MBNL1: variants seen among roughly 807,000 people sequenced by gnomAD.
MBNL1 encodes muscleblind-like protein 1.
In MBNL1, 8 loss-of-function variants were observed where a neutral mutation model predicts 42.2. That is an observed-to-expected ratio of 0.19 (90% CI 0.11 to 0.34). The LOEUF (loss-of-function observed/expected upper bound fraction) is 0.34. Ranked by LOEUF, MBNL1 falls within the 10% of genes least tolerant of loss-of-function variation. MBNL1 has a pLI of 1.00. For missense variants in MBNL1, 309 were observed against 495.3 expected (o/e 0.62, Z 3.57); for synonymous variants, 169 against 173.9 (o/e 0.97, Z 0.22).
chr3:152,342,273 A>C (rs182486880), intron 2 of MBNL1, among the ~76,000 whole-genome samples: 45 of 151,910 alleles, frequency 3.0e-4, no homozygotes, highest in Non-Finnish European at 6.2e-4. Flanking sequence ...TTCCAACTCA[A>C]TTTTGGGTTG....
chr3:152,265,614 A>T (rs1350184873), upstream of MBNL1: 1 of 152,206 alleles, frequency 6.6e-6, no homozygotes, highest in Non-Finnish European at 1.5e-5. Context: ...CAAGGAGCTG[A>T]CATTATCTAT....
intron 2 of MBNL1, among the ~76,000 whole-genome samples, chr3:152,335,551 T>A (rs2089315979): frequency 6.6e-6 from 1 of 152,210 alleles, no homozygotes. Context: ...TGACTTGCCC[T>A]ACAGTGATTT....
At chr3:152,431,284 G>T (rs2099003707) in intron 3 of MBNL1, among the ~76,000 whole-genome samples, 2 of 152,154 alleles carry the variant, frequency 1.3e-5, no homozygotes, top group Non-Finnish European at 2.9e-5. Context: ...TTTAGACATT[G>T]CCAGGTGTCT....
At chr3:152,325,265 G>C (rs2079073516) in intron 2 of MBNL1, among the ~76,000 whole-genome samples, 1 of 151,556 alleles carries the variant, frequency 6.6e-6, no homozygotes, top group Non-Finnish European at 1.5e-5. Flanking sequence ...TAACTGTTTT[G>C]CCTCTTTGCT....
intron 2 of MBNL1, among the ~76,000 whole-genome samples, chr3:152,319,272 G>A (rs543168765): frequency 2.6e-4 from 40 of 152,102 alleles, no homozygotes; most frequent in Non-Finnish European, 5.4e-4. Context: ...TTTTTCCTTT[G>A]TCACTTTCCA....
At position 152,459,053 on chromosome 3, in the gene MBNL1, A is replaced by G. The variant is rs189142883; in HGVS notation, c.1093-218A>G. On this transcript the variant is annotated intron_variant, in intron 8 of 9. Coordinates refer to ENST00000324210, the MANE Select transcript of MBNL1 (RefSeq NM_021038.5). ...TTTTACTTATTTCCTAAAAGCTGGT[A>G]ACATTTATAGAATAGTATTTAACAT... 4 of 371,642 alleles carry G rather than the reference A, an allele frequency of 1.1e-5. No homozygotes were observed. The East Asian group carries it at 1.3e-4, about 12-fold the overall frequency. The allele number at this position is 371,642 out of a possible 1,614,324, so 23.0% of individuals were successfully genotyped here. A position where few individuals can be genotyped will look rare whatever the true frequency, so the allele number is the denominator to read the frequency against.
intron 2 of MBNL1, among the ~76,000 whole-genome samples, chr3:152,407,209 C>CTTTTTTTTTTTT (rs60509782): frequency 4.0e-4 from 22 of 54,356 alleles, no homozygotes; most frequent in Admixed American, 9.6e-4. Flanking sequence ...GAAATATGTT[C>CTTTTTTTTTTTT]TTTTTTTTTT....
chr3:152,370,823 G>T (rs2096627814), intron 2 of MBNL1, among the ~76,000 whole-genome samples: 1 of 150,534 alleles, frequency 6.6e-6, no homozygotes, highest in Admixed American at 6.6e-5. Context: ...TTGCAGGATT[G>T]CAACCCCTGC....
chr3:152,366,945 T>C (rs1180106599), intron 2 of MBNL1, among the ~76,000 whole-genome samples: 1 of 152,150 alleles, frequency 6.6e-6, no homozygotes, highest in African/African-American at 2.4e-5. Flanking sequence ...AATAATACAG[T>C]GTTCATAATT....
Position 152,244,233 on chromosome 3 carries a change from T to C in MBNL1, n.214-88T>C, listed in dbSNP as rs555998156. ...GCTGTGATTTCAAGTGTAAGCTTTATGAATAATTTTCCATGCCCCATAAAA... is the reference window on the plus strand; with the variant it reads ...GCTGTGATTTCAAGTGTAAGCTTTACGAATAATTTTCCATGCCCCATAAAA... On this transcript the variant is annotated intron_variant and non_coding_transcript_variant, in intron 1 of 2. Transcript: ENST00000477171. 20 of 152,364 alleles carry C rather than the reference T, an allele frequency of 1.3e-4. No homozygotes were observed. In the South Asian group the frequency reaches 4.1e-3, roughly 32 times the overall value. The allele number at this position is 152,364 out of a possible 1,614,324, so 9.4% of individuals were successfully genotyped here.
At chr3:152,461,983 T>G (rs895436868) in intron 9 of MBNL1, among the ~76,000 whole-genome samples, 1 of 152,106 alleles carries the variant, frequency 6.6e-6, no homozygotes, top group Admixed American at 6.5e-5. Context: ...ATAGAACATA[T>G]TACATGAATT....
At chr3:152,405,613 G>A (rs958920678) in intron 2 of MBNL1, among the ~76,000 whole-genome samples, 3 of 152,128 alleles carry the variant, frequency 2.0e-5, no homozygotes, top group African/African-American at 7.2e-5. Context: ...GCTTAAATAA[G>A]TCTTTCAAGA....
chr3:152,330,683 A>G (rs543481748), intron 2 of MBNL1, among the ~76,000 whole-genome samples: 15 of 152,308 alleles, frequency 9.8e-5, no homozygotes, highest in African/African-American at 3.1e-4. Flanking sequence ...GTACAACACG[A>G]TAAGATATTT....
intron 2 of MBNL1, among the ~76,000 whole-genome samples, chr3:152,322,747 A>G (rs2077176408): frequency 6.6e-6 from 1 of 152,010 alleles, no homozygotes; most frequent in Non-Finnish European, 1.5e-5. Context: ...TTTAAGCGCT[A>G]AGAGTAGAAA....
At chr3:152,343,461 TAA>T (rs1222105368) in intron 2 of MBNL1, among the ~76,000 whole-genome samples, 1 of 152,136 alleles carries the variant, frequency 6.6e-6, no homozygotes, top group African/African-American at 2.4e-5. Context: ...ATGTGTATCA[TAA>T]TATTTATTTG....
At chr3:152,339,024 C>A (rs73154174) in intron 2 of MBNL1, among the ~76,000 whole-genome samples, 1 of 151,878 alleles carries the variant, frequency 6.6e-6, no homozygotes, top group Non-Finnish European at 1.5e-5. Flanking sequence ...ATTATTTTTT[C>A]AAATACCGAT....
At chr3:152,438,372 A>G (rs923711444) in intron 4 of MBNL1, among the ~76,000 whole-genome samples, 2 of 152,248 alleles carry the variant, frequency 1.3e-5, no homozygotes, top group Admixed American at 6.5e-5. Flanking sequence ...GAGTCAGTCA[A>G]CCAGTTACTC....
At chr3:152,263,227 G>C (rs1179811792), upstream of MBNL1, 4 of 152,116 alleles carry the variant, frequency 2.6e-5, no homozygotes, top group African/African-American at 4.8e-5. Context: ...TGCATATATA[G>C]TACAATATTA....
Position 152,414,921 on chromosome 3 carries a change from T to C in MBNL1, c.175-20T>C. On this transcript the variant is annotated intron_variant, in intron 2 of 9. Transcript: ENST00000324210. ...TTTTATTCTTTTCTAAGATGATGTT[T>C]GCTGCTTTTGTTTCTCTAGGGCCGT... The C allele has an allele frequency of 6.2e-7, 1 of 1,607,408 alleles. No individual in the cohort carries two copies. The highest frequency in any genetic ancestry group is 8.5e-7 in the Non-Finnish European group (1 of 1,178,048).
Sources: gnomAD v4.1 joint callset for allele counts (sites outside exome capture counted in the v4.1 genomes callset) on GRCh38, gnomAD v4.1.1 for gene constraint, MANE v1.5 for transcripts, NCBI Gene and HGNC (gene_info 2026-07-23, HGNC 2026-07-21) for gene names.